The following ZNF385C variants were observed in gnomAD, a reference collection of about 807,000 sequenced individuals.
ZNF385C encodes CTD-2132N18.2.
In ZNF385C, 28 loss-of-function variants were observed where a neutral mutation model predicts 35.4. The ratio of observed to expected loss-of-function variants is 0.79; its 90% CI spans 0.59 to 1.08. The LOEUF (loss-of-function observed/expected upper bound fraction) is 1.08, where lower values mean the gene tolerates loss of function less well. Among genes scored for constraint, ZNF385C ranks in the 50% least tolerant of loss-of-function variants. The probability of loss-of-function intolerance (pLI) is 0.00; values close to 1 mark genes in which losing one functional copy is unlikely to be tolerated. For synonymous variants in ZNF385C, 248 were observed against 248.2 expected, an observed-to-expected ratio of 1.00 and a Z score of 0.01; for missense variants, 605 against 595.6, an observed-to-expected ratio of 1.02 and a Z score of -0.16.
At chr17:42,065,659 C>T (rs1488538176) in intron 1 of ZNF385C, among the ~76,000 whole-genome samples, 3 of 152,148 alleles carry the variant, frequency 2.0e-5, no homozygotes. Flanking sequence ...CAGAGGAGCA[C>T]AGCGATAAGG....
intron 2 of ZNF385C, among the ~76,000 whole-genome samples, chr17:42,044,343 G>T (rs1354614309): frequency 1.3e-5 from 2 of 149,502 alleles, no homozygotes; most frequent in South Asian, 4.2e-4. Flanking sequence ...ACGGCCGGGT[G>T]GGGTGGCTCA....
At chr17:42,093,984 CTTTTTTTT>C (rs782233998) in intron 1 of ZNF385C, among the ~76,000 whole-genome samples, 1 of 137,426 alleles carries the variant, frequency 7.3e-6, no homozygotes, top group Non-Finnish European at 1.6e-5. Flanking sequence ...GCATTATCAC[CTTTTTTTT>C]TTTTTTTTGA....
chr17:42,066,053 T>C (rs782634480), intron 1 of ZNF385C, among the ~76,000 whole-genome samples: 6 of 152,008 alleles, frequency 3.9e-5, no homozygotes, highest in Admixed American at 2.6e-4. Context: ...TTTTGTTTGT[T>C]TGTCTGTTTT....
intron 1 of ZNF385C, among the ~76,000 whole-genome samples, chr17:42,063,930 G>A (rs1555658244): frequency 6.6e-6 from 1 of 152,100 alleles, no homozygotes; most frequent in East Asian, 1.9e-4. Flanking sequence ...GCTCCACGTG[G>A]CTCCAGATGC....
At chr17:42,063,680 C>T (rs1329628212) in intron 1 of ZNF385C, among the ~76,000 whole-genome samples, 2 of 152,126 alleles carry the variant, frequency 1.3e-5, no homozygotes, top group Non-Finnish European at 2.9e-5. Context: ...GGACTGGGGT[C>T]TTGGAGGAAA....
intron 2 of ZNF385C, chr17:42,039,439 T>C (rs941614934): frequency 8.5e-6 from 3 of 354,718 alleles, no homozygotes; most frequent in African/African-American, 6.3e-5. Context: ...CTCATCTAAC[T>C]GTGTAAAGGC....
At chr17:42,085,340 C>T (rs2053794993) in intron 1 of ZNF385C, among the ~76,000 whole-genome samples, 1 of 151,234 alleles carries the variant, frequency 6.6e-6, no homozygotes, top group Non-Finnish European at 1.5e-5. Context: ...ACAATGTCGG[C>T]TCACTGCAAC....
At chr17:42,058,983 G>T (rs2053421249) in intron 2 of ZNF385C, among the ~76,000 whole-genome samples, 1 of 152,186 alleles carries the variant, frequency 6.6e-6, no homozygotes, top group Admixed American at 6.5e-5. Context: ...CTTGCTGGGG[G>T]CCGCCCTCCA....
intron 2 of ZNF385C, among the ~76,000 whole-genome samples, chr17:42,055,435 G>A (rs1555657478): frequency 1.3e-5 from 2 of 152,060 alleles, no homozygotes; most frequent in East Asian, 3.9e-4. Flanking sequence ...GGTCACACCT[G>A]GGGGAGGGGG....
intron 1 of ZNF385C, among the ~76,000 whole-genome samples, chr17:42,084,203 C>T (rs1317711618): frequency 6.6e-6 from 1 of 151,088 alleles, no homozygotes; most frequent in African/African-American, 2.4e-5. Context: ...AATAGCTAGG[C>T]ATGGTGGCAG....
At chr17:42,065,950 C>A (rs1376568208) in intron 1 of ZNF385C, among the ~76,000 whole-genome samples, 1 of 152,144 alleles carries the variant, frequency 6.6e-6, no homozygotes, top group East Asian at 1.9e-4. Flanking sequence ...TGATCAATAA[C>A]AGTTCCTAAG....
At chr17:42,041,003 C>A in intron 2 of ZNF385C, 1 of 1,232,326 alleles carries the variant, frequency 8.1e-7, no homozygotes, top group Non-Finnish European at 1.0e-6. Context: ...GCCTCGCCCT[C>A]CTGTAGCTCC....
At chr17:42,037,594 G>T in intron 3 of ZNF385C, 143 bp downstream of exon 3, 3 of 1,022,422 alleles carry the variant, frequency 2.9e-6, no homozygotes, top group Non-Finnish European at 4.1e-6. Context: ...TCCCTATTTG[G>T]GGAGCACCTA....
chr17:42,044,728 A>G (rs1477770499), intron 2 of ZNF385C, among the ~76,000 whole-genome samples: 4 of 152,064 alleles, frequency 2.6e-5, no homozygotes, highest in Admixed American at 6.6e-5. Context: ...GTGAACACAC[A>G]CTCACACTCA....
intron 5 of ZNF385C, among the ~76,000 whole-genome samples, chr17:42,029,810 GATCACTTGA>G (rs1294001437): frequency 6.6e-6 from 1 of 152,104 alleles, no homozygotes; most frequent in African/African-American, 2.4e-5. Flanking sequence ...AAGGTTAGCA[GATCACTTGA>G]GTCCAGGACT....
At chr17:42,089,964 A>G (rs782810686) in intron 1 of ZNF385C, among the ~76,000 whole-genome samples, 2 of 152,214 alleles carry the variant, frequency 1.3e-5, no homozygotes, top group Non-Finnish European at 1.5e-5. Context: ...TTTGGTTTAA[A>G]ATGTTTGCAT....
intron 2 of ZNF385C, among the ~76,000 whole-genome samples, chr17:42,056,213 C>G (rs868991801): frequency 6.6e-5 from 10 of 152,236 alleles, no homozygotes; most frequent in Non-Finnish European, 1.2e-4. Flanking sequence ...AAGGGAGGGA[C>G]TGGTTGACCT....
In ZNF385C at chr17:42,037,753, A is replaced by T; in HGVS notation, c.383T>A (p.Phe128Tyr). The change falls in exon 3 of 9, where the codon TTC (phenylalanine) becomes TAC (tyrosine). Residue 128 changes from phenylalanine (F) to tyrosine (Y), a missense_variant. Physicochemically the swap from Phe to Tyr is conservative, Grantham distance 22. Coordinates refer to ENST00000692273, the MANE Select transcript of ZNF385C (RefSeq NM_001392013.1). ...HFNGAAPLSLFPNFSTMDPVQ... is the reference protein window; with the variant it reads ...HFNGAAPLSLYPNFSTMDPVQ... ...AGCCCATACCGTGCTGAAGTTGGGGAAGAGACTGAGCGGGGCAGCGCCATT... is the reference window on the plus strand; with the variant it reads ...AGCCCATACCGTGCTGAAGTTGGGGTAGAGACTGAGCGGGGCAGCGCCATT... 6.5e-7 allele frequency: 1 copy of T among 1,534,770 alleles called. No individual in the cohort carries two copies. Among genetic ancestry groups the T allele is most frequent in the Non-Finnish European group, 8.8e-7 (1 of 1,140,232 alleles).
intron 2 of ZNF385C, chr17:42,038,232 T>G (rs374074868): frequency 2.4e-5 from 14 of 582,838 alleles, no homozygotes; most frequent in South Asian, 1.2e-4. Flanking sequence ...GGAGACTGCA[T>G]GATGTGCTGG....
Sources: gnomAD v4.1 joint callset for allele counts (sites outside exome capture counted in the v4.1 genomes callset) on GRCh38, gnomAD v4.1.1 for gene constraint, MANE v1.5 for transcripts, NCBI Gene and HGNC (gene_info 2026-07-23, HGNC 2026-07-21) for gene names.